The following GRID1 variants were observed in gnomAD, a reference collection of about 807,000 sequenced individuals.
GRID1 encodes the protein glutamate ionotropic receptor delta type subunit 1, also known as glutamate receptor ionotropic, delta-1.
In GRID1, 28 loss-of-function variants were observed where a neutral mutation model predicts 98.0. The observed-to-expected ratio is 0.29, with a 90% CI of 0.21 to 0.39. GRID1 has a LOEUF of 0.39. Among genes scored for constraint, GRID1 ranks in the 10% least tolerant of loss-of-function variants. The pLI is 1.00. For missense variants in GRID1, 1,111 were observed against 1,340.5 expected (o/e 0.83, Z 2.67); for synonymous variants, 553 against 538.5 (o/e 1.03, Z -0.37).
intron 8 of GRID1, among the ~76,000 whole-genome samples, chr10:85,781,995 T>A (rs190477929): frequency 2.0e-5 from 3 of 152,218 alleles, no homozygotes; most frequent in Non-Finnish European, 4.4e-5. Flanking sequence ...GTTTGATCTA[T>A]TTTTGTTAGT....
intron 2 of GRID1, among the ~76,000 whole-genome samples, chr10:86,216,132 T>C (rs1356804036): frequency 6.6e-6 from 1 of 152,240 alleles, no homozygotes; most frequent in Non-Finnish European, 1.5e-5. Context: ...TTTCCCCTGC[T>C]AGGCAAAGTT....
At chr10:86,005,317 A>C (rs1479326274) in intron 4 of GRID1, among the ~76,000 whole-genome samples, 1 of 151,822 alleles carries the variant, frequency 6.6e-6, no homozygotes, top group Non-Finnish European at 1.5e-5. Flanking sequence ...CCCAATAGCC[A>C]GCTCCATTCA....
At chr10:86,213,554 T>C in intron 2 of GRID1, among the ~76,000 whole-genome samples, 1 of 152,122 alleles carries the variant, frequency 6.6e-6, no homozygotes, top group East Asian at 1.9e-4. Flanking sequence ...TGGTCCCTGC[T>C]CCTGAGCTCC....
At chr10:86,233,451 T>G (rs1282679959) in intron 2 of GRID1, among the ~76,000 whole-genome samples, 1 of 152,126 alleles carries the variant, frequency 6.6e-6, no homozygotes, top group Non-Finnish European at 1.5e-5. Context: ...AGATGGACAC[T>G]CCCATCCCCT....
At chr10:86,221,537 T>G (rs1474402355) in intron 2 of GRID1, among the ~76,000 whole-genome samples, 7 of 151,320 alleles carry the variant, frequency 4.6e-5, no homozygotes, top group Non-Finnish European at 8.8e-5. Context: ...GCAGGTGGAG[T>G]GGGGGTGGAC....
At chr10:86,279,851 A>C (rs1847331996) in intron 2 of GRID1, among the ~76,000 whole-genome samples, 1 of 152,204 alleles carries the variant, frequency 6.6e-6, no homozygotes, top group Non-Finnish European at 1.5e-5. Context: ...AATTTGATGG[A>C]ATCTACCCTT....
chr10:85,919,736 A>G (rs1279161386), intron 4 of GRID1, among the ~76,000 whole-genome samples: 1 of 152,238 alleles, frequency 6.6e-6, no homozygotes, highest in Non-Finnish European at 1.5e-5. Context: ...TCCAGCAGGC[A>G]GGCAGAGTAC....
intron 8 of GRID1, among the ~76,000 whole-genome samples, chr10:85,834,828 T>C (rs111579198): frequency 1.6e-4 from 24 of 152,156 alleles, no homozygotes; most frequent in Admixed American, 2.0e-4. Flanking sequence ...AATTATGATT[T>C]AGCACTTACT....
intron 4 of GRID1, among the ~76,000 whole-genome samples, chr10:85,976,629 A>G (rs1212452425): frequency 6.6e-6 from 1 of 152,204 alleles, no homozygotes; most frequent in Non-Finnish European, 1.5e-5. Context: ...GTGCACCTCC[A>G]GGAGGGTCCC....
chr10:86,128,727 A>T lies in GRID1; in HGVS notation c.726+10092T>A, dbSNP rs532170404. ...GCACTAGCACATCCCAAACTTCAGA[A>T]TGTTGACCTTGCCCAGGGTCACAGA... On this transcript the variant is annotated intron_variant, in intron 4 of 15. Transcript: ENST00000327946. Among the ~76,000 whole-genome samples, 5 of 152,248 alleles carry T rather than the reference A, an allele frequency of 3.3e-5. No individual in the cohort carries two copies. In the East Asian group the frequency reaches 9.6e-4, roughly 29 times the overall value.
At chr10:86,255,545 C>A (rs1204930377) in intron 2 of GRID1, among the ~76,000 whole-genome samples, 2 of 152,212 alleles carry the variant, frequency 1.3e-5, no homozygotes, top group African/African-American at 4.8e-5. Flanking sequence ...TCTGGCTAGG[C>A]TCTGTGCACC....
intron 2 of GRID1, among the ~76,000 whole-genome samples, chr10:86,339,345 A>G (rs1218811614): frequency 6.6e-6 from 1 of 152,194 alleles, no homozygotes; most frequent in South Asian, 2.1e-4. Context: ...GGGCACCTCA[A>G]AGCCCCATGC....
At chr10:86,319,845 C>T (rs1363727192) in intron 2 of GRID1, among the ~76,000 whole-genome samples, 1 of 152,134 alleles carries the variant, frequency 6.6e-6, no homozygotes, top group Non-Finnish European at 1.5e-5. Flanking sequence ...TATCAAATTC[C>T]CTCCTAGGAT....
intron 8 of GRID1, among the ~76,000 whole-genome samples, chr10:85,826,238 G>A (rs1292115914): frequency 1.3e-5 from 2 of 152,184 alleles, no homozygotes; most frequent in Non-Finnish European, 2.9e-5. Context: ...GGGAGGCTAA[G>A]GCAGGAGAAT....
At chr10:86,262,933 G>A (rs1442980071) in intron 2 of GRID1, among the ~76,000 whole-genome samples, 1 of 99,932 alleles carries the variant, frequency 1.0e-5, no homozygotes, top group African/African-American at 3.8e-5. Flanking sequence ...GGCATCGCCC[G>A]CCCTCCCTCC....
intron 2 of GRID1, among the ~76,000 whole-genome samples, chr10:86,309,361 G>A (rs1847801856): frequency 6.6e-6 from 1 of 152,150 alleles, no homozygotes; most frequent in South Asian, 2.1e-4. Context: ...AAGTAACTGA[G>A]CAGTGTTGGG....
intron 8 of GRID1, among the ~76,000 whole-genome samples, chr10:85,770,160 G>A (rs551930987): frequency 3.3e-5 from 5 of 152,298 alleles, no homozygotes; most frequent in African/African-American, 4.8e-5. Context: ...AGCAGCATTC[G>A]CGGTTCACGA....
At chr10:86,097,048 T>C (rs1243796475) in intron 4 of GRID1, among the ~76,000 whole-genome samples, 2 of 152,036 alleles carry the variant, frequency 1.3e-5, no homozygotes, top group African/African-American at 4.8e-5. Flanking sequence ...TCCCAGCCTT[T>C]GGACTCCAGT....
chr10:85,760,301 A>T (rs749427198), intron 8 of GRID1, among the ~76,000 whole-genome samples: 14 of 152,168 alleles, frequency 9.2e-5, no homozygotes, highest in Non-Finnish European at 1.5e-4. Flanking sequence ...TATGGCAAGA[A>T]CTCAGTAGAT....
Sources: allele counts gnomAD v4.1 joint callset (sites outside exome capture counted in the v4.1 genomes callset), GRCh38; gene constraint gnomAD v4.1.1; transcripts MANE v1.5; gene names NCBI Gene and HGNC (gene_info 2026-07-23, HGNC 2026-07-21).